The following EXOC4 variants were observed in gnomAD, a reference collection of about 807,000 sequenced individuals.
EXOC4 encodes SEC8-like 1.
EXOC4 carries 71 observed loss-of-function variants against 107.2 expected under a neutral mutation model. The ratio of observed to expected loss-of-function variants is 0.66; its 90% CI spans 0.55 to 0.81. The LOEUF (loss-of-function observed/expected upper bound fraction) is 0.81. Among genes scored for constraint, EXOC4 ranks in the 30% least tolerant of loss-of-function variants. The pLI, the probability that EXOC4 is intolerant of heterozygous loss-of-function variation, is 0.00. For missense variants in EXOC4, 1,108 were observed against 1,189.6 expected, an observed-to-expected ratio of 0.93 and a Z score of 1.01; for synonymous variants, 456 against 441.2, an observed-to-expected ratio of 1.03 and a Z score of -0.42.
intron 10 of EXOC4, among the ~76,000 whole-genome samples, chr7:133,680,258 T>C (rs979878905): frequency 6.6e-6 from 1 of 152,166 alleles, no homozygotes; most frequent in Non-Finnish European, 1.5e-5. Flanking sequence ...GGGCCTTTTA[T>C]TTTTTTGATC....
At chr7:133,858,332 T>A (rs533655516) in intron 11 of EXOC4, among the ~76,000 whole-genome samples, 19 of 152,126 alleles carry the variant, frequency 1.2e-4, no homozygotes, top group Non-Finnish European at 2.4e-4. Context: ...ACCATGTGGT[T>A]GAGTCTGGGG....
chr7:133,562,508 C>CAGTT (rs1388996955), intron 9 of EXOC4, among the ~76,000 whole-genome samples: 1 of 152,180 alleles, frequency 6.6e-6, no homozygotes, highest in Non-Finnish European at 1.5e-5. Flanking sequence ...ATTGCTTCAG[C>CAGTT]AGTTATGCCA....
At chr7:133,925,921 C>T (rs1800040051) in intron 13 of EXOC4, among the ~76,000 whole-genome samples, 1 of 151,726 alleles carries the variant, frequency 6.6e-6, no homozygotes, top group Non-Finnish European at 1.5e-5. Context: ...TGCCTGTAAT[C>T]CCAGCTACTC....
intron 11 of EXOC4, among the ~76,000 whole-genome samples, chr7:133,853,967 G>A (rs1323711307): frequency 1.3e-5 from 2 of 152,088 alleles, no homozygotes; most frequent in South Asian, 2.1e-4. Context: ...CCTAGGGGGC[G>A]GGGTGAGTCA....
intron 9 of EXOC4, among the ~76,000 whole-genome samples, chr7:133,617,985 T>C (rs1802235893): frequency 1.3e-5 from 2 of 152,008 alleles, no homozygotes; most frequent in Non-Finnish European, 2.9e-5. Flanking sequence ...GTATAAAACA[T>C]GCAAACATAC....
In EXOC4 at chr7:133,338,947, T is replaced by C. The variant is rs149859663; in HGVS notation, c.764-17383T>C. Among the ~76,000 whole-genome samples, 1,082 of 152,058 alleles carry C rather than the reference T, an allele frequency of 7.1e-3. 14 individuals are homozygous for C. Among genetic ancestry groups the C allele is most frequent in the African/African-American group, 0.025 (1,025 of 41,466 alleles). The stretch of plus-strand genomic sequence containing the variant: ...TTGTATTTTTATTAGGGACTGGGTT[T>C]CTCCATGTTGGTCAGGCTGGTCTCG... On this transcript the variant is annotated intron_variant, in intron 5 of 17. Coordinates refer to ENST00000253861, the MANE Select transcript of EXOC4 (RefSeq NM_021807.4).
At chr7:133,453,697 T>G (rs549054687) in intron 7 of EXOC4, among the ~76,000 whole-genome samples, 20 of 152,218 alleles carry the variant, frequency 1.3e-4, no homozygotes, top group Non-Finnish European at 2.9e-4. Context: ...TTTAAGCATG[T>G]ATTAAAGAGA....
At chr7:133,597,917 G>C (rs1420943796) in intron 9 of EXOC4, among the ~76,000 whole-genome samples, 1 of 151,968 alleles carries the variant, frequency 6.6e-6, no homozygotes, top group Non-Finnish European at 1.5e-5. Flanking sequence ...TACTCTGGAG[G>C]CTGAGGCAGG....
intron 7 of EXOC4, among the ~76,000 whole-genome samples, chr7:133,440,511 G>T (rs1451585574): frequency 6.6e-6 from 1 of 152,204 alleles, no homozygotes. Flanking sequence ...GGTAAGGGCT[G>T]GGTAAAATAA....
intron 7 of EXOC4, among the ~76,000 whole-genome samples, chr7:133,376,060 A>G (rs1188576000): frequency 6.6e-6 from 1 of 152,220 alleles, no homozygotes; most frequent in Non-Finnish European, 1.5e-5. Flanking sequence ...TGCATGGCAA[A>G]TAAGAGTCTT....
chr7:133,997,509 G>C lies in EXOC4; in HGVS notation c.2224G>C (p.Asp742His), dbSNP rs1286274495. The C allele has an allele frequency of 6.2e-7, 1 of 1,613,608 alleles. No individual in the cohort carries two copies. The highest frequency in any genetic ancestry group is 1.1e-5 in the South Asian group (1 of 91,066). Reference protein sequence around the residue: ...STSQMLSPAQDSHTNTDLPPV... With the variant: ...STSQMLSPAQHSHTNTDLPPV... ...CCTTTCAGTGCTTTCTCCTGCTCAA[G>C]ACAGCCACACGAACACGGATCTCCC... is the stretch of plus-strand genomic sequence containing the variant. The change falls in exon 15 of 18, where the codon GAC becomes CAC. Residue 742 changes from aspartate to histidine, a missense_variant. Transcript: ENST00000253861.
intron 10 of EXOC4, among the ~76,000 whole-genome samples, chr7:133,813,590 G>A (rs541427338): frequency 2.6e-5 from 4 of 152,268 alleles, no homozygotes; most frequent in African/African-American, 9.6e-5. Flanking sequence ...GCAGCAGGAT[G>A]TGGTATTTGG....
chr7:133,478,450 T>C (rs1216866420), intron 8 of EXOC4, among the ~76,000 whole-genome samples: 5 of 152,240 alleles, frequency 3.3e-5, no homozygotes, highest in African/African-American at 1.2e-4. Context: ...GTTTCCAGTC[T>C]TGGTGCTATC....
intron 15 of EXOC4, among the ~76,000 whole-genome samples, chr7:133,998,856 T>C (rs1016650055): frequency 6.6e-6 from 1 of 151,934 alleles, no homozygotes; most frequent in Admixed American, 6.6e-5. Flanking sequence ...GTGATAGAGG[T>C]AGAGATATGA....
At position 133,275,001 on chromosome 7, in the gene EXOC4, G is replaced by A. The variant is rs978166030; in HGVS notation, c.106G>A (p.Asp36Asn). 23 of 1,610,326 alleles carry A rather than the reference G, an allele frequency of 1.4e-5. No homozygotes were observed. Among genetic ancestry groups the A allele is most frequent in the Non-Finnish European group, 1.8e-5 (21 of 1,178,108 alleles). The change falls in exon 2 of 18, where the codon GAT (aspartate) becomes AAT (asparagine). Residue 36 changes from aspartate to asparagine, a missense_variant. Asp to Asn is a conservative substitution (Grantham distance 23). Transcript: ENST00000253861. Reference protein sequence around the residue: ...SVIRTLSTSDDVEDRENEKGR... With the variant: ...SVIRTLSTSDNVEDRENEKGR... ...CACCAGGACTCTGTCTACTAGTGAC[G>A]ATGTCGAAGACAGGGAAAATGAAAA...
chr7:133,473,558 G>T (rs917098459), intron 7 of EXOC4, among the ~76,000 whole-genome samples: 1 of 152,008 alleles, frequency 6.6e-6, no homozygotes, highest in Admixed American at 6.6e-5. Context: ...TTGACTTAAA[G>T]TCTATTTTGT....
intron 10 of EXOC4, among the ~76,000 whole-genome samples, chr7:133,783,027 G>A (rs1020902726): frequency 6.6e-6 from 1 of 152,074 alleles, no homozygotes; most frequent in Non-Finnish European, 1.5e-5. Flanking sequence ...ACTTAACATC[G>A]CCGTGCCTCA....
At chr7:134,035,461 A>G (rs1000998974) in intron 17 of EXOC4, among the ~76,000 whole-genome samples, 3 of 152,192 alleles carry the variant, frequency 2.0e-5, no homozygotes, top group Non-Finnish European at 4.4e-5. Flanking sequence ...AAAGAACAGC[A>G]TTTTCACACA....
intron 9 of EXOC4, among the ~76,000 whole-genome samples, chr7:133,616,456 G>A (rs752564041): frequency 4.6e-5 from 7 of 152,032 alleles, no homozygotes; most frequent in Non-Finnish European, 7.4e-5. Context: ...AATTCTGAAG[G>A]AAATATATTT....
Sources: allele counts gnomAD v4.1 joint callset (sites outside exome capture counted in the v4.1 genomes callset), GRCh38; gene constraint gnomAD v4.1.1; transcripts MANE v1.5; gene names NCBI Gene and HGNC (gene_info 2026-07-23, HGNC 2026-07-21).